Variants in KANK1 observed in about 807,000 individuals in gnomAD.
KANK1 encodes KN motif and ankyrin repeat domains 1, also known as KN motif and ankyrin repeat domain-containing protein 1.
Under a neutral mutation model 106.2 loss-of-function variants are expected in KANK1, and 109 were observed. That is an observed-to-expected ratio of 1.03 (90% CI 0.88 to 1.20). The LOEUF (loss-of-function observed/expected upper bound fraction) is 1.20, where lower values mean the gene tolerates loss of function less well. KANK1 is among the 50% of genes most tolerant of loss of function. KANK1 has a pLI of 0.00. For synonymous variants in KANK1, 873 were observed against 652.2 expected (o/e 1.34, Z -5.16); for missense variants, 2,399 against 1,710.7 (o/e 1.40, Z -7.10).
At chr9:741,458 G>C (rs1564136568) in intron 9 of KANK1, among the ~76,000 whole-genome samples, 1 of 148,196 alleles carries the variant, frequency 6.7e-6, no homozygotes, top group Non-Finnish European at 1.5e-5. Context: ...GAGTAGCAGG[G>C]ACTAACAGGC....
At chr9:579,338 G>A (rs1166273751) in intron 1 of KANK1, among the ~76,000 whole-genome samples, 1 of 152,124 alleles carries the variant, frequency 6.6e-6, no homozygotes, top group Non-Finnish European at 1.5e-5. Context: ...ACTTGGGGAG[G>A]ATGTTATCAG....
chr9:587,160 T>G (rs1361950790), intron 1 of KANK1, among the ~76,000 whole-genome samples: 2 of 152,224 alleles, frequency 1.3e-5, no homozygotes, highest in African/African-American at 4.8e-5. Context: ...CGTTTTTTTC[T>G]TTATAACTAT....
At chr9:744,992 C>T (rs558004231) in intron 11 of KANK1, 181 bp from the exon 12 acceptor site, 4 of 1,496,886 alleles carry the variant, frequency 2.7e-6, no homozygotes, top group Admixed American at 4.7e-5. Flanking sequence ...GGACATAGCA[C>T]TGCTGAGCCC....
chr9:553,970 G>A (rs1299029296), intron 1 of KANK1, among the ~76,000 whole-genome samples: 2 of 152,166 alleles, frequency 1.3e-5, no homozygotes, highest in African/African-American at 4.8e-5. Flanking sequence ...ACAGATAGCT[G>A]GGCTCCAACC....
At chr9:709,493 G>GT (rs1825317735) in intron 2 of KANK1, among the ~76,000 whole-genome samples, 1 of 151,898 alleles carries the variant, frequency 6.6e-6, no homozygotes, top group South Asian at 2.1e-4. Flanking sequence ...CTGACTTTTA[G>GT]TTTTTTTGTG....
chr9:728,169 G>T (rs530000303), intron 3 of KANK1, among the ~76,000 whole-genome samples: 1 of 152,056 alleles, frequency 6.6e-6, no homozygotes, highest in African/African-American at 2.4e-5. Context: ...ATATTTCTTC[G>T]ATGTATTTTG....
At chr9:676,592 G>A (rs1406425700) in intron 1 of KANK1, among the ~76,000 whole-genome samples, 1 of 152,294 alleles carries the variant, frequency 6.6e-6, no homozygotes, top group Non-Finnish European at 1.5e-5. Flanking sequence ...ACATTAGGAA[G>A]TCATTTGTAT....
intron 2 of KANK1, chr9:707,322 C>T: frequency 5.2e-6 from 4 of 766,384 alleles, no homozygotes; most frequent in Non-Finnish European, 6.4e-6. Context: ...GGGGGCCGGC[C>T]GGGAAGGTGC....
chr9:634,883 A>G (rs1836709953), intron 1 of KANK1, among the ~76,000 whole-genome samples: 1 of 152,192 alleles, frequency 6.6e-6, no homozygotes, highest in East Asian at 1.9e-4. Flanking sequence ...TCTGCCATCC[A>G]CTATGCACTG....
At chr9:550,769 G>A (rs1015819236) in intron 1 of KANK1, among the ~76,000 whole-genome samples, 7 of 152,164 alleles carry the variant, frequency 4.6e-5, no homozygotes, top group Admixed American at 1.3e-4. Flanking sequence ...AATTATGAGC[G>A]TAAGGCCCAG....
At chr9:473,900 A>G (rs2058061902) in intron 3 of KANK1, among the ~76,000 whole-genome samples, 2 of 152,106 alleles carry the variant, frequency 1.3e-5, no homozygotes, top group Admixed American at 1.3e-4. Context: ...GGGTTTCACC[A>G]TGTTGGCCAG....
intron 3 of KANK1, among the ~76,000 whole-genome samples, chr9:714,467 C>T (rs570303048): frequency 6.8e-6 from 1 of 148,118 alleles, no homozygotes; most frequent in South Asian, 2.2e-4. Flanking sequence ...ACAAGCGATT[C>T]TTGTGTCTCA....
chr9:735,825 C>A, intron 7 of KANK1: 1 of 363,928 alleles, frequency 2.7e-6, no homozygotes, highest in Non-Finnish European at 5.8e-6. Context: ...GAAACCCTTT[C>A]TCTACTAAAA....
intron 1 of KANK1, among the ~76,000 whole-genome samples, chr9:585,363 A>T (rs1420781605): frequency 6.6e-6 from 1 of 152,228 alleles, no homozygotes; most frequent in African/African-American, 2.4e-5. Flanking sequence ...GGACATACTT[A>T]GAATTCATAT....
intron 3 of KANK1, among the ~76,000 whole-genome samples, chr9:725,492 GTCTCAAAAAAAAAAAAAAAAAA>G (rs1830416581): frequency 1.2e-5 from 1 of 85,038 alleles, no homozygotes; most frequent in Non-Finnish European, 2.3e-5. Context: ...GCAAGACTCT[GTCTCAAAAAAAAAAAAAAAAAA>G]ATTTAGATGA....
intron 1 of KANK1, among the ~76,000 whole-genome samples, chr9:537,570 C>T (rs1458214148): frequency 1.3e-5 from 2 of 151,886 alleles, no homozygotes; most frequent in African/African-American, 2.4e-5. Flanking sequence ...TGAAAAAGAA[C>T]TCTGAAAGCT....
At chr9:539,009 T>A (rs1170467180) in intron 1 of KANK1, among the ~76,000 whole-genome samples, 1 of 152,132 alleles carries the variant, frequency 6.6e-6, no homozygotes, top group Non-Finnish European at 1.5e-5. Context: ...GCCTCCCGAG[T>A]AGCTGGGATT....
chr9:537,790 A>G (rs1222100339), intron 1 of KANK1, among the ~76,000 whole-genome samples: 1 of 152,226 alleles, frequency 6.6e-6, no homozygotes, highest in Non-Finnish European at 1.5e-5. Flanking sequence ...GAGGCCAGAG[A>G]TGCCCAGAAT....
At position 712,219 on chromosome 9, in the gene KANK1, A is replaced by T. The variant is rs774672190; in HGVS notation, c.1453A>T (p.Met485Leu). 3.1e-6 allele frequency: 5 copies of T among 1,614,046 alleles called. No individual in the cohort carries two copies. The highest frequency in any genetic ancestry group is 2.7e-5 in the African/African-American group (2 of 74,940). The change falls in exon 3 of 12, where the codon ATG (methionine) becomes TTG (leucine). Residue 485 changes from methionine to leucine, a missense_variant. Coordinates refer to ENST00000382297, the MANE Select transcript of KANK1 (RefSeq NM_015158.5). ...TAGAGAAACCACCCATGACCGGGAG[A>T]TGACTAAACTGAAACAAGAGCTGCA... ...QLRETTHDREMTKLKQELQAA... is the reference protein window; with the variant it reads ...QLRETTHDRELTKLKQELQAA...
Sources: allele counts gnomAD v4.1 joint callset (sites outside exome capture counted in the v4.1 genomes callset), GRCh38; gene constraint gnomAD v4.1.1; transcripts MANE v1.5; gene names NCBI Gene and HGNC (gene_info 2026-07-23, HGNC 2026-07-21).